PLCB3: variants seen among roughly 807,000 people sequenced by gnomAD.
PLCB3 encodes the protein phospholipase C beta 3.
PLCB3 carries 54 observed loss-of-function variants against 152.1 expected under a neutral mutation model. The ratio of observed to expected loss-of-function variants is 0.36; its 90% CI spans 0.29 to 0.45. The LOEUF is 0.45. Ranked by LOEUF, PLCB3 falls within the 20% of genes least tolerant of loss-of-function variation. The pLI is 1.00. For synonymous variants in PLCB3, 717 were observed against 698.7 expected (o/e 1.03, Z -0.41); for missense variants, 1,248 against 1,687.5 (o/e 0.74, Z 4.56).
chr11:64,262,431 G>A lies in PLCB3; in HGVS notation c.2063G>A (p.Gly688Asp). 6.2e-7 allele frequency: 1 copy of A among 1,613,686 alleles called. No individual in the cohort carries two copies. The highest frequency in any genetic ancestry group is 8.5e-7 in the Non-Finnish European group (1 of 1,179,866). The change falls in exon 18 of 31, where the codon GGC becomes GAC. Residue 688 changes from glycine (G) to aspartate (D), a missense_variant. By Grantham distance (94) the Gly-to-Asp change is moderately conservative. Coordinates refer to ENST00000279230, the MANE Select transcript of PLCB3 (RefSeq NM_000932.5). ...TLDVAMQLNA[G>D]VFEYNGRSGY... is the part of the protein sequence containing the mutation. Reference sequence around the variant, plus strand: ...GATGTGGCGATGCAGCTCAACGCGGGCGTTTTTGAGTACAACGGGCGCAGC... The same window carrying A: ...GATGTGGCGATGCAGCTCAACGCGGACGTTTTTGAGTACAACGGGCGCAGC...
intron 10 of PLCB3, among the ~76,000 whole-genome samples, chr11:64,257,471 G>A (rs1199273898): frequency 2.6e-5 from 4 of 151,990 alleles, no homozygotes; most frequent in Non-Finnish European, 5.9e-5. Context: ...TAAAAAATTA[G>A]CTGGGCATAG....
At chr11:64,253,230 G>A (rs1461912220) in intron 1 of PLCB3, among the ~76,000 whole-genome samples, 1 of 152,196 alleles carries the variant, frequency 6.6e-6, no homozygotes, top group Non-Finnish European at 1.5e-5. Context: ...AGAAGTCTCC[G>A]CTCCCTGCTT....
chr11:64,254,837 T>C (rs1280937867), intron 3 of PLCB3, 21 bp downstream of exon 3: 1 of 1,613,622 alleles, frequency 6.2e-7, no homozygotes, highest in Middle Eastern at 1.7e-4. Flanking sequence ...AGCCTGGGAG[T>C]GAAGACCACA....
At chr11:64,261,806 G>A in intron 16 of PLCB3, 141 bp downstream of exon 16, 1 of 1,427,172 alleles carries the variant, frequency 7.0e-7, no homozygotes, top group Non-Finnish European at 9.8e-7. Flanking sequence ...TGGGGCTTGG[G>A]CAGATCCAGG....
In PLCB3 at chr11:64,263,590, C is replaced by T; in HGVS notation, c.2448C>T (p.Ile816=). The change falls in exon 20 of 31, where the codon ATC becomes ATT. Residue 816 remains isoleucine, a synonymous_variant. Coordinates refer to ENST00000279230, the MANE Select transcript of PLCB3 (RefSeq NM_000932.5). The part of the protein sequence containing the change: ...VGHRILPVSA[I]RSGYHYVCLR... ...ACCGGATCCTGCCTGTCTCTGCCAT[C>T]CGCTCCGGTGAGGCCTTGGTGGGCT... 1 of 1,611,642 alleles carries T rather than the reference C, an allele frequency of 6.2e-7. No individual in the cohort carries two copies. The highest frequency in any genetic ancestry group is 1.3e-5 in the African/African-American group (1 of 75,040).
At position 64,265,918 on chromosome 11, in the gene PLCB3, A is replaced by C; in HGVS notation, c.3068A>C (p.Glu1023Ala). Residue 1023 changes from glutamate to alanine, a missense_variant, in exon 26 of 31, where the codon GAG becomes GCG. By Grantham distance (107) the Glu-to-Ala change is moderately radical (BLOSUM62 -1). This residue lies in a region of PLCB3 where 477 missense variants were observed against 489.6 expected (regional missense o/e 0.97). Transcript: ENST00000279230. Reference protein sequence around the residue: ...GGAADVEDTKEGEDEAKRYQE... With the variant: ...GGAADVEDTKAGEDEAKRYQE... ...GCCGCTGATGTGGAGGACACGAAGG[A>C]GGGGGAGGACGAGGCAAAGCGGTAT... 1.7e-5 allele frequency: 27 copies of C among 1,613,360 alleles called. No individual in the cohort carries two copies. The highest frequency in any genetic ancestry group is 2.3e-5 in the Non-Finnish European group (27 of 1,179,974).
At position 64,262,874 on chromosome 11, in the gene PLCB3, G is replaced by A. The variant is rs2031927633; in HGVS notation, c.2355+66G>A. ...CAGCCCAGACCGCCCCGACTCTCAG[G>A]TGGGAGAACAGGAACCAGGCACACC... On this transcript the variant is annotated intron_variant, in intron 19 of 30. Transcript: ENST00000279230. The A allele has an allele frequency of 2.6e-6, 4 of 1,523,682 alleles. No individual in the cohort carries two copies. In the Middle Eastern group the frequency reaches 7.0e-4, roughly 265 times the overall value. 94.4% of individuals were successfully genotyped at this position (1,523,682 alleles called of 1,614,324 possible). A position where few individuals can be genotyped will look rare whatever the true frequency, so the allele number is the denominator to read the frequency against.
In PLCB3 at chr11:64,267,675, A is replaced by G. The variant is rs1022750001; in HGVS notation, c.*119A>G. ...TTTTATCTAGAAATTTTATTTTTTT[A>G]AACCCGGGGCAAGTACCTCAGCTAA... is the stretch of plus-strand genomic sequence containing the variant. On this transcript the variant is annotated 3_prime_UTR_variant, in exon 31 of 31. Coordinates refer to ENST00000279230, the MANE Select transcript of PLCB3 (RefSeq NM_000932.5). This position sits in a 1 kb window ranked among gnomAD's most constrained non-coding sequence, Gnocchi z 5.2. 1.2e-6 allele frequency: 1 copy of G among 848,662 alleles called. No homozygotes were observed. The highest frequency in any genetic ancestry group is 1.8e-5 in the African/African-American group (1 of 56,578). The allele number at this position is 848,662 out of a possible 1,614,324, so 52.6% of individuals were successfully genotyped here.
intron 13 of PLCB3, among the ~76,000 whole-genome samples, chr11:64,259,731 C>G (rs189324770): frequency 2.2e-4 from 33 of 152,278 alleles, no homozygotes; most frequent in Non-Finnish European, 4.1e-4. Flanking sequence ...TCCCTTACCC[C>G]GCTATTAGGG....
Position 64,267,510 on chromosome 11 carries a change from T to TGTC in PLCB3, c.3661_3663dup (p.Ser1221dup). ...CACGCACCCGGGAGCAGCGGGCACC[T>TGTC]GTCGGGCGCTGACTCGGAGAGCCAG... On this transcript the variant is annotated inframe_insertion, in exon 31 of 31. Coordinates refer to ENST00000279230, the MANE Select transcript of PLCB3 (RefSeq NM_000932.5). The surrounding 1 kb of genome is among the most constrained non-coding windows in gnomAD (Gnocchi z 5.2). 1.3e-6 allele frequency: 2 copies of TGTC among 1,569,136 alleles called. No homozygotes were observed. Among genetic ancestry groups the TGTC allele is most frequent in the Non-Finnish European group, 1.7e-6 (2 of 1,161,570 alleles).
Position 64,255,834 on chromosome 11 carries a change from G to C in PLCB3, c.698+13G>C. On this transcript the variant is annotated intron_variant, in intron 8 of 30. Transcript: ENST00000279230. The surrounding 1 kb of genome is among the most constrained non-coding windows in gnomAD (Gnocchi z 6.8). ...TCCTGCTGGAGATGTGAGTGGGCCC[G>C]GCCTGCCTCACAACCCCTGTGCTCT... is the stretch of plus-strand genomic sequence containing the variant. The C allele has an allele frequency of 6.4e-7, 1 of 1,574,224 alleles. No homozygotes were observed. Among genetic ancestry groups the C allele is most frequent in the Non-Finnish European group, 8.7e-7 (1 of 1,143,728 alleles).
At chr11:64,263,861 C>A in intron 21 of PLCB3, 66 bp downstream of exon 21, 1 of 1,391,936 alleles carries the variant, frequency 7.2e-7, no homozygotes, top group Non-Finnish European at 1.0e-6. Context: ...ACCCCCAGGG[C>A]CTGGGAGTGG....
Position 64,266,581 on chromosome 11 carries a change from C to A in PLCB3, c.3414+29C>A. 6.2e-7 allele frequency: 1 copy of A among 1,608,450 alleles called. No individual in the cohort carries two copies. The highest frequency in any genetic ancestry group is 8.5e-7 in the Non-Finnish European group (1 of 1,175,202). Reference sequence around the variant, plus strand: ...AGTCAGGCTCCCGGGCCACCCTACCCCACCTCCCTTCCTTCACTCATCAGA... The same window carrying A: ...AGTCAGGCTCCCGGGCCACCCTACCACACCTCCCTTCCTTCACTCATCAGA... On this transcript the variant is annotated intron_variant, in intron 29 of 30. Transcript: ENST00000279230. The surrounding 1 kb of genome is among the most constrained non-coding windows in gnomAD (Gnocchi z 4.9).
At chr11:64,263,989 C>G in intron 21 of PLCB3, 32 bp from the exon 22 acceptor site, 1 of 1,531,404 alleles carries the variant, frequency 6.5e-7, no homozygotes, top group Non-Finnish European at 8.9e-7. Flanking sequence ...GGGGCTCTGT[C>G]TCTGAGACCT....
chr11:64,252,796 G>T (rs1330787803), intron 1 of PLCB3, among the ~76,000 whole-genome samples: 2 of 152,164 alleles, frequency 1.3e-5, no homozygotes, highest in Non-Finnish European at 2.9e-5. Context: ...GTGGGAACAG[G>T]GAGAGGGCCC....
chr11:64,263,760 C>T lies in PLCB3; in HGVS notation c.2525C>T (p.Thr842Ile). The change falls in exon 21 of 31, where the codon ACC (threonine) becomes ATC (isoleucine). Residue 842 changes from threonine (T) to isoleucine (I), a missense_variant. Transcript: ENST00000279230. ...PLCLPALLIY[T>I]EASDYIPDDH... ...TGCCTGCCGGCCCTGCTCATCTACA[C>T]CGAAGCCTCGGACTACATTCCTGAC... is the stretch of plus-strand genomic sequence containing the variant. 1 of 1,613,454 alleles carries T rather than the reference C, an allele frequency of 6.2e-7. No individual in the cohort carries two copies. The highest frequency in any genetic ancestry group is 8.5e-7 in the Non-Finnish European group (1 of 1,179,918).
In PLCB3 at chr11:64,258,652, G is replaced by C; in HGVS notation, c.1192G>C (p.Glu398Gln). Reference protein sequence around the residue: ...PLRDVLEAIAETAFKTSPYPV... With the variant: ...PLRDVLEAIAQTAFKTSPYPV... The stretch of plus-strand genomic sequence containing the variant: ...GCGCGACGTGCTGGAGGCCATTGCC[G>C]AGACTGCCTTCAAGACCTCGCCCTA... Residue 398 changes from glutamate (E) to glutamine (Q), a missense_variant, in exon 11 of 31, where the codon GAG (glutamate) becomes CAG (glutamine). Physicochemically the swap from Glu to Gln is conservative, Grantham distance 29. Coordinates refer to ENST00000279230, the MANE Select transcript of PLCB3 (RefSeq NM_000932.5). This position sits in a 1 kb window ranked among gnomAD's most constrained non-coding sequence, Gnocchi z 7.2. 3 of 1,614,020 alleles carry C rather than the reference G, an allele frequency of 1.9e-6. No homozygotes were observed. The highest frequency in any genetic ancestry group is 2.5e-6 in the Non-Finnish European group (3 of 1,180,016).
chr11:64,261,774 G>A (rs2031864988), intron 16 of PLCB3, 109 bp downstream of exon 16: 2 of 1,404,454 alleles, frequency 1.4e-6, no homozygotes, highest in Non-Finnish European at 2.0e-6. Context: ...TGGCCCTCCG[G>A]CGGCCCTCCT....
rs2031418318 is a variant in PLCB3, at chr11:64,254,608, C to G, written c.177+116C>G. Reference sequence around the variant, plus strand: ...CTGACCTCTCCCACTGCTGCCCAGACAGGAAGTGCTCAGGGCAGGAGCTGA... The same window carrying G: ...CTGACCTCTCCCACTGCTGCCCAGAGAGGAAGTGCTCAGGGCAGGAGCTGA... On this transcript the variant is annotated intron_variant, in intron 2 of 30. Transcript: ENST00000279230. 12 of 1,339,368 alleles carry G rather than the reference C, an allele frequency of 9.0e-6. No individual in the cohort carries two copies. In the Admixed American group the frequency reaches 2.0e-4, roughly 23 times the overall value. The allele number at this position is 1,339,368 out of a possible 1,614,324, so 83.0% of individuals were successfully genotyped here. A position where few individuals can be genotyped will look rare whatever the true frequency, so the allele number is the denominator to read the frequency against.
Sources: gnomAD v4.1 joint callset for allele counts (sites outside exome capture counted in the v4.1 genomes callset) on GRCh38, gnomAD v4.1.1 for gene constraint, gnomAD v4.1.1 regional missense constraint, Gnocchi (gnomAD v3.1) non-coding constraint, MANE v1.5 for transcripts, NCBI Gene and HGNC (gene_info 2026-07-23, HGNC 2026-07-21) for gene names.